The following SPOCK3 variants were observed in gnomAD, a reference collection of about 807,000 sequenced individuals.
The protein encoded by SPOCK3 is SPARC (osteonectin), cwcv and kazal like domains proteoglycan 3, also known as testican-3.
SPOCK3 carries 30 observed loss-of-function variants against 56.6 expected under a neutral mutation model. The observed-to-expected ratio is 0.53, with a 90% CI of 0.40 to 0.72. The LOEUF is 0.72. Among genes scored for constraint, SPOCK3 ranks in the 30% least tolerant of loss-of-function variants. The pLI is 0.00. For missense variants in SPOCK3, 527 were observed against 530.0 expected (o/e 0.99, Z 0.06); for synonymous variants, 196 against 183.3 (o/e 1.07, Z -0.56).
chr4:166,869,148 A>G (rs1013888565), intron 6 of SPOCK3, among the ~76,000 whole-genome samples: 4 of 152,078 alleles, frequency 2.6e-5, no homozygotes, highest in African/African-American at 9.7e-5. Flanking sequence ...GCCTGGGAGG[A>G]CTCTCTGGTG....
intron 6 of SPOCK3, among the ~76,000 whole-genome samples, chr4:166,801,619 A>T (rs943240217): frequency 2.0e-5 from 3 of 152,096 alleles, no homozygotes; most frequent in Non-Finnish European, 4.4e-5. Flanking sequence ...ATATTTAAAG[A>T]CTCTCAATAC....
intron 5 of SPOCK3, among the ~76,000 whole-genome samples, chr4:166,901,299 G>A (rs571281156): frequency 1.3e-5 from 2 of 152,158 alleles, no homozygotes; most frequent in East Asian, 1.9e-4. Context: ...ACTGAATTGG[G>A]AAACCTGAGA....
At chr4:167,136,791 A>G (rs1303207285) in intron 2 of SPOCK3, among the ~76,000 whole-genome samples, 1 of 152,164 alleles carries the variant, frequency 6.6e-6, no homozygotes, top group Non-Finnish European at 1.5e-5. Flanking sequence ...GAATGTATAC[A>G]GAATGGCATT....
intron 2 of SPOCK3, among the ~76,000 whole-genome samples, chr4:167,116,860 T>C (rs1220251025): frequency 7.0e-6 from 1 of 142,910 alleles, no homozygotes; most frequent in Non-Finnish European, 1.5e-5. Context: ...TATATACTTT[T>C]GTATATAGAT....
intron 3 of SPOCK3, among the ~76,000 whole-genome samples, chr4:167,050,373 C>A (rs910728830): frequency 1.3e-5 from 2 of 152,036 alleles, no homozygotes; most frequent in East Asian, 3.8e-4. Context: ...ACATTCACAA[C>A]CATTGGGATA....
At chr4:166,861,675 ACCTCTGAACTCATG>A (rs1164158120) in intron 6 of SPOCK3, among the ~76,000 whole-genome samples, 1 of 152,002 alleles carries the variant, frequency 6.6e-6, no homozygotes, top group Admixed American at 6.6e-5. Context: ...TGAAGAACTG[ACCTCTGAACTCATG>A]CTGGTCATCC....
At chr4:166,785,898 C>T (rs28733166) in intron 7 of SPOCK3, among the ~76,000 whole-genome samples, 34,823 of 151,964 alleles carry the variant, frequency 0.23, 4,449 homozygotes, top group African/African-American at 0.34. Flanking sequence ...TTTGTTCGTT[C>T]AACAAATTGT....
chr4:167,153,610 C>G (rs1388555466), intron 2 of SPOCK3, among the ~76,000 whole-genome samples: 1 of 152,092 alleles, frequency 6.6e-6, no homozygotes, highest in East Asian at 1.9e-4. Flanking sequence ...GAAAGTTTTA[C>G]TGGACAACAC....
intron 5 of SPOCK3, among the ~76,000 whole-genome samples, chr4:166,901,234 G>A (rs1736010694): frequency 6.6e-6 from 1 of 152,052 alleles, no homozygotes; most frequent in African/African-American, 2.4e-5. Context: ...AGACAAATTA[G>A]GCACACTTCC....
intron 2 of SPOCK3, among the ~76,000 whole-genome samples, chr4:167,223,073 ATTTTATATATGAAT>A (rs1736186169): frequency 1.8e-5 from 2 of 111,596 alleles, no homozygotes; most frequent in Non-Finnish European, 3.4e-5. Context: ...ATGAATATAT[ATTTTATATATGAAT>A]ATATATTTTA....
At chr4:166,791,290 G>GCCATTATCTTACTAC in intron 7 of SPOCK3, among the ~76,000 whole-genome samples, 1 of 152,152 alleles carries the variant, frequency 6.6e-6, no homozygotes, top group Non-Finnish European at 1.5e-5. Context: ...ATCTACAGAG[G>GCCATTATCTTACTAC]ATTATCTTAC....
At chr4:167,222,822 TAAAC>T (rs1373435350) in intron 2 of SPOCK3, among the ~76,000 whole-genome samples, 3 of 126,216 alleles carry the variant, frequency 2.4e-5, no homozygotes, top group Non-Finnish European at 4.7e-5. Context: ...TATAAATATA[TAAAC>T]ATAGATATAT....
At chr4:167,101,449 G>C (rs1759638419) in intron 2 of SPOCK3, among the ~76,000 whole-genome samples, 1 of 151,842 alleles carries the variant, frequency 6.6e-6, no homozygotes, top group Admixed American at 6.6e-5. Flanking sequence ...TTTCAGTCCT[G>C]GCCTCTCAGC....
chr4:166,752,009 G>T (rs540189842), intron 8 of SPOCK3, among the ~76,000 whole-genome samples: 1 of 151,852 alleles, frequency 6.6e-6, no homozygotes, highest in African/African-American at 2.4e-5. Context: ...TATTTCACTT[G>T]CTTGAAATTG....
intron 3 of SPOCK3, among the ~76,000 whole-genome samples, chr4:167,009,017 A>T (rs1749749710): frequency 6.6e-6 from 1 of 152,096 alleles, no homozygotes; most frequent in African/African-American, 2.4e-5. Flanking sequence ...ATACACCCCT[A>T]AAAAATTTTA....
intron 2 of SPOCK3, among the ~76,000 whole-genome samples, chr4:167,145,885 T>C (rs1397686119): frequency 6.6e-6 from 1 of 152,114 alleles, no homozygotes; most frequent in Admixed American, 6.6e-5. Context: ...ATAGATGCTA[T>C]GAAGAAACTG....
chr4:167,027,929 T>C (rs1186956209), intron 3 of SPOCK3, among the ~76,000 whole-genome samples: 1 of 152,026 alleles, frequency 6.6e-6, no homozygotes, highest in Non-Finnish European at 1.5e-5. Flanking sequence ...CTAAGTTTTG[T>C]TTTTTGTTTT....
chr4:167,001,356 AC>A (rs1748935563), intron 3 of SPOCK3, among the ~76,000 whole-genome samples: 1 of 152,118 alleles, frequency 6.6e-6, no homozygotes, highest in Admixed American at 6.6e-5. Context: ...CCTATTCTGG[AC>A]ATTTTATATA....
intron 4 of SPOCK3, among the ~76,000 whole-genome samples, chr4:166,954,818 C>A (rs1743189544): frequency 6.6e-6 from 1 of 152,154 alleles, no homozygotes; most frequent in East Asian, 1.9e-4. Context: ...GAAACTCCAT[C>A]CCCCACCCGC....
Sources: gnomAD v4.1 joint callset for allele counts (sites outside exome capture counted in the v4.1 genomes callset) on GRCh38, gnomAD v4.1.1 for gene constraint, MANE v1.5 for transcripts, NCBI Gene and HGNC (gene_info 2026-07-23, HGNC 2026-07-21) for gene names.